Variants in MECOM observed in about 807,000 individuals in gnomAD.
MECOM encodes the protein MDS1 and EVI1 complex locus, also known as histone-lysine N-methyltransferase MECOM.
A neutral mutation model predicts 116.3 loss-of-function variants in MECOM; 13 were observed. The observed-to-expected ratio is 0.11, with a 90% CI of 0.07 to 0.18. The LOEUF (loss-of-function observed/expected upper bound fraction) is 0.18, where lower values mean the gene tolerates loss of function less well. MECOM is among the 10% of genes least tolerant of loss of function. MECOM has a pLI of 1.00. For missense variants in MECOM, 1,299 were observed against 1,509.0 expected (o/e 0.86, Z 2.31); for synonymous variants, 528 against 535.2 (o/e 0.99, Z 0.19).
At chr3:169,509,042 C>A (rs117694150) in intron 1 of MECOM, among the ~76,000 whole-genome samples, 4 of 152,286 alleles carry the variant, frequency 2.6e-5, no homozygotes, top group East Asian at 1.9e-4. Flanking sequence ...ATTCAAGGAA[C>A]AATGACTAAA....
At chr3:169,485,893 A>AT (rs1241268552) in intron 1 of MECOM, among the ~76,000 whole-genome samples, 3,494 of 102,668 alleles carry the variant, frequency 0.034, 119 homozygotes, top group East Asian at 0.084. Context: ...ATGTATATAT[A>AT]GTATATATAG....
intron 4 of MECOM, 52 bp downstream of exon 4, chr3:169,131,377 T>C: frequency 1.4e-6 from 2 of 1,449,822 alleles, no homozygotes; most frequent in Non-Finnish European, 1.9e-6. Context: ...TCGATGCTAC[T>C]TTATAGTCGC....
At chr3:169,657,875 C>A (rs530047676) in intron 1 of MECOM, among the ~76,000 whole-genome samples, 1 of 152,242 alleles carries the variant, frequency 6.6e-6, no homozygotes, top group East Asian at 1.9e-4. Flanking sequence ...AAGGATTATA[C>A]TTTTTTCATT....
rs146571397 is a variant in MECOM, at chr3:169,122,858, C to A, written c.831-131G>T. The A allele has an allele frequency of 1.5e-4, 153 of 1,001,464 alleles. No individual in the cohort carries two copies. In the African/African-American group the frequency reaches 1.8e-3, roughly 12 times the overall value. 62.0% of individuals were successfully genotyped at this position (1,001,464 alleles called of 1,614,324 possible). On this transcript the variant is annotated intron_variant, in intron 5 of 16. Coordinates refer to ENST00000651503, the MANE Select transcript of MECOM (RefSeq NM_004991.4). Reference sequence around the variant, plus strand: ...AGTTGAACTGAGAAGGAGGGAAGAGCAGAAACAGGCTTGTGACAGACAAAA... The same window carrying A: ...AGTTGAACTGAGAAGGAGGGAAGAGAAGAAACAGGCTTGTGACAGACAAAA...
At chr3:169,378,470 CAAGCAA>C (rs1450181950) in intron 2 of MECOM, among the ~76,000 whole-genome samples, 31 of 32,806 alleles carry the variant, frequency 9.4e-4, no homozygotes, top group South Asian at 3.4e-3. Flanking sequence ...AGCAAGCAAG[CAAGCAA>C]GAAAGAGAGA....
intron 2 of MECOM, among the ~76,000 whole-genome samples, chr3:169,163,969 C>T (rs1208727064): frequency 1.3e-5 from 2 of 152,168 alleles, no homozygotes; most frequent in East Asian, 1.9e-4. Context: ...TGGAGGCCAG[C>T]GAAGCAACAT....
At chr3:169,240,049 T>C (rs1754590911) in intron 2 of MECOM, among the ~76,000 whole-genome samples, 1 of 152,248 alleles carries the variant, frequency 6.6e-6, no homozygotes, top group African/African-American at 2.4e-5. Flanking sequence ...TTAAGCTAAA[T>C]GTTTCAATAA....
chr3:169,456,595 C>A lies in MECOM; in HGVS notation c.38-75071G>T, dbSNP rs114895584. 7.6e-3 allele frequency among the ~76,000 whole-genome samples: 1,156 copies of A among 152,198 alleles called. 6 individuals are homozygous for A. Among genetic ancestry groups the A allele is most frequent in the Middle Eastern group, 0.02 (6 of 294 alleles). On this transcript the variant is annotated intron_variant, in intron 1 of 16. Transcript: ENST00000651503. ...GTCAACTGGGAGCTGGTTGCAAATG[C>A]AGAATTCCAAACCCACCACGGACCT... is the stretch of plus-strand genomic sequence containing the variant.
intron 2 of MECOM, among the ~76,000 whole-genome samples, chr3:169,226,454 G>C (rs1752738986): frequency 6.6e-6 from 1 of 152,166 alleles, no homozygotes; most frequent in African/African-American, 2.4e-5. Flanking sequence ...TTCATAAACT[G>C]TAACAATACA....
At chr3:169,142,146 T>G (rs773533074) in intron 3 of MECOM, among the ~76,000 whole-genome samples, 20 of 151,872 alleles carry the variant, frequency 1.3e-4, no homozygotes, top group Non-Finnish European at 2.4e-4. Flanking sequence ...ACGAGTACAT[T>G]TATTATAAAA....
At chr3:169,156,106 G>C (rs1334792813) in intron 2 of MECOM, among the ~76,000 whole-genome samples, 1 of 152,098 alleles carries the variant, frequency 6.6e-6, no homozygotes, top group Non-Finnish European at 1.5e-5. Context: ...GTTATTATCA[G>C]ATATTCCCTG....
At chr3:169,521,517 C>T (rs960568952) in intron 1 of MECOM, among the ~76,000 whole-genome samples, 1 of 152,138 alleles carries the variant, frequency 6.6e-6, no homozygotes, top group Admixed American at 6.5e-5. Flanking sequence ...GTGGTTAACC[C>T]AAAATGTTCT....
chr3:169,265,726 G>A (rs1450822963), intron 2 of MECOM, among the ~76,000 whole-genome samples: 1 of 152,168 alleles, frequency 6.6e-6, no homozygotes, highest in African/African-American at 2.4e-5. Context: ...GAAATCTAAT[G>A]CAAGAGGATG....
intron 2 of MECOM, among the ~76,000 whole-genome samples, chr3:169,331,291 C>T (rs1722663032): frequency 6.6e-6 from 1 of 152,024 alleles, no homozygotes; most frequent in Non-Finnish European, 1.5e-5. Flanking sequence ...CCCAACTTTA[C>T]CACTTACTGA....
chr3:169,172,443 G>GTGTGTGTGTA (rs1491201932), intron 2 of MECOM, among the ~76,000 whole-genome samples: 2 of 148,582 alleles, frequency 1.3e-5, no homozygotes, highest in Non-Finnish European at 3.0e-5. Context: ...GTGTGTGTGT[G>GTGTGTGTGTA]TATACATATA....
At chr3:169,527,780 G>C (rs1179543336) in intron 1 of MECOM, among the ~76,000 whole-genome samples, 1 of 152,074 alleles carries the variant, frequency 6.6e-6, no homozygotes, top group Admixed American at 6.5e-5. Flanking sequence ...TTTGCAATCT[G>C]TATTGCTATT....
At chr3:169,100,640 G>C (rs1300179090) in intron 12 of MECOM, among the ~76,000 whole-genome samples, 16 of 152,194 alleles carry the variant, frequency 1.1e-4, no homozygotes, top group Non-Finnish European at 1.8e-4. Flanking sequence ...TTCTGTCCTA[G>C]ACACTGTGCT....
chr3:169,088,322 T>G (rs1718519675), intron 16 of MECOM, among the ~76,000 whole-genome samples: 7 of 152,236 alleles, frequency 4.6e-5, no homozygotes, highest in Admixed American at 4.6e-4. Context: ...TGAGGCTCTT[T>G]TAATTGCTAT....
chr3:169,349,964 A>G (rs1432453270), intron 2 of MECOM, among the ~76,000 whole-genome samples: 6 of 151,974 alleles, frequency 3.9e-5, no homozygotes, highest in Admixed American at 3.3e-4. Flanking sequence ...AATGGCTACA[A>G]TTCAATTAAT....
Sources: gnomAD v4.1 joint callset for allele counts (sites outside exome capture counted in the v4.1 genomes callset) on GRCh38, gnomAD v4.1.1 for gene constraint, MANE v1.5 for transcripts, NCBI Gene and HGNC (gene_info 2026-07-23, HGNC 2026-07-21) for gene names.